Variants in ADAMTS17 observed in about 807,000 individuals in gnomAD.
The protein encoded by ADAMTS17 is A disintegrin and metalloproteinase with thrombospondin motifs 17.
ADAMTS17 carries 113 observed loss-of-function variants against 141.5 expected under a neutral mutation model. That is an observed-to-expected ratio of 0.80 (90% CI 0.69 to 0.93). The LOEUF (loss-of-function observed/expected upper bound fraction) is 0.93. ADAMTS17 is among the 40% of genes least tolerant of loss of function. The probability of loss-of-function intolerance (pLI) is 0.00; values close to 1 mark genes in which losing one functional copy is unlikely to be tolerated. For missense variants in ADAMTS17, 1,659 were observed against 1,517.9 expected (o/e 1.09, Z -1.54); for synonymous variants, 768 against 630.6 (o/e 1.22, Z -3.27).
intron 13 of ADAMTS17, among the ~76,000 whole-genome samples, chr15:100,115,473 C>T (rs1463921893): frequency 6.6e-6 from 1 of 152,188 alleles, no homozygotes; most frequent in Non-Finnish European, 1.5e-5. Flanking sequence ...TGATGGGGCT[C>T]CCCAATACTT....
intron 8 of ADAMTS17, among the ~76,000 whole-genome samples, chr15:100,181,668 G>A (rs1023387335): frequency 2.0e-5 from 3 of 152,218 alleles, no homozygotes; most frequent in Admixed American, 6.5e-5. Context: ...CTATCTTCCT[G>A]TGGCTGAGCT....
chr15:100,191,325 G>A (rs761745231), intron 8 of ADAMTS17, among the ~76,000 whole-genome samples: 1 of 152,222 alleles, frequency 6.6e-6, no homozygotes, highest in South Asian at 2.1e-4. Flanking sequence ...ACTTCCTACC[G>A]TGACGCTGAG....
At chr15:100,093,612 C>A (rs143338514) in intron 15 of ADAMTS17, among the ~76,000 whole-genome samples, 1 of 152,150 alleles carries the variant, frequency 6.6e-6, no homozygotes, top group Non-Finnish European at 1.5e-5. Context: ...GAAGTGTCCT[C>A]CCCCTACCCC....
At chr15:99,974,692 C>CTGAT (rs1567627041) in intron 21 of ADAMTS17, 130 bp from the exon 22 acceptor site, 2 of 1,221,348 alleles carry the variant, frequency 1.6e-6, no homozygotes, top group African/African-American at 3.0e-5. Context: ...ACCCTTTGCA[C>CTGAT]TGATTAGGCC....
chr15:100,272,913 A>G (rs550131074), intron 4 of ADAMTS17, among the ~76,000 whole-genome samples: 88 of 152,168 alleles, frequency 5.8e-4, no homozygotes, highest in African/African-American at 2.0e-3. Flanking sequence ...AAGGCTGCTC[A>G]ATTTTATCAA....
chr15:100,021,553 C>T lies in ADAMTS17; in HGVS notation c.2592-23964G>A, dbSNP rs143325970. Among the ~76,000 whole-genome samples the T allele has an allele frequency of 1.7e-3, 253 of 152,310 alleles. 2 individuals are homozygous for T. The highest frequency in any genetic ancestry group is 5.8e-3 in the African/African-American group (240 of 41,558). On this transcript the variant is annotated intron_variant, in intron 18 of 21. Coordinates refer to ENST00000268070, the MANE Select transcript of ADAMTS17 (RefSeq NM_139057.4). The stretch of plus-strand genomic sequence containing the variant: ...TGCCACAGCTCCAGTCTGAAACTTT[C>T]GACGGCTCCCTAGTACCTAATGCCT...
chr15:100,265,805 G>A (rs181041641), intron 4 of ADAMTS17, among the ~76,000 whole-genome samples: 1 of 152,326 alleles, frequency 6.6e-6, no homozygotes, highest in Admixed American at 6.5e-5. Flanking sequence ...GTGTCTGAGT[G>A]GGGTCCCCAA....
At chr15:99,983,624 C>T (rs1034920390) in intron 20 of ADAMTS17, among the ~76,000 whole-genome samples, 9 of 152,250 alleles carry the variant, frequency 5.9e-5, no homozygotes, top group East Asian at 5.8e-4. Context: ...CAACTATACA[C>T]GCCTGGGCTC....
At chr15:100,153,918 C>T (rs902911543) in intron 9 of ADAMTS17, among the ~76,000 whole-genome samples, 20 of 152,194 alleles carry the variant, frequency 1.3e-4, no homozygotes, top group Admixed American at 4.6e-4. Flanking sequence ...CGGTAGCTCA[C>T]ACCTGTAATC....
intron 18 of ADAMTS17, among the ~76,000 whole-genome samples, chr15:100,017,563 T>C (rs2061315309): frequency 6.6e-6 from 1 of 152,240 alleles, no homozygotes; most frequent in Admixed American, 6.5e-5. Flanking sequence ...ACTTCTGTAT[T>C]TCACTCGACT....
intron 10 of ADAMTS17, among the ~76,000 whole-genome samples, chr15:100,146,801 G>A (rs1369983534): frequency 2.2e-5 from 1 of 46,316 alleles, no homozygotes; most frequent in African/African-American, 5.0e-5. Context: ...CCCCCTGGGT[G>A]TGGTTGTCTC....
intron 7 of ADAMTS17, among the ~76,000 whole-genome samples, chr15:100,243,354 C>G (rs1301690492): frequency 1.3e-5 from 2 of 152,182 alleles, no homozygotes; most frequent in African/African-American, 4.8e-5. Flanking sequence ...AAGTAGAGTT[C>G]CTGAATCATA....
At chr15:100,331,259 G>A (rs891970175) in intron 2 of ADAMTS17, among the ~76,000 whole-genome samples, 1 of 152,136 alleles carries the variant, frequency 6.6e-6, no homozygotes, top group Admixed American at 6.5e-5. Context: ...AGCTGCGTTG[G>A]GGGTAGGGGT....
At chr15:99,979,317 A>G (rs370120665) in intron 20 of ADAMTS17, 1 of 151,370 alleles carries the variant, frequency 6.6e-6, no homozygotes, top group African/African-American at 2.4e-5. Flanking sequence ...TGAACCCAGG[A>G]GGTGGAGGTT....
intron 12 of ADAMTS17, among the ~76,000 whole-genome samples, chr15:100,128,035 A>G (rs1174639388): frequency 6.6e-6 from 1 of 152,090 alleles, no homozygotes; most frequent in East Asian, 1.9e-4. Context: ...ATGACCAGAC[A>G]TGGAGGAGGC....
intron 3 of ADAMTS17, among the ~76,000 whole-genome samples, chr15:100,286,253 C>T (rs2044444753): frequency 6.6e-6 from 1 of 152,220 alleles, no homozygotes; most frequent in Admixed American, 6.5e-5. Context: ...CACCCTGCTG[C>T]CCTACCACTG....
rs2044278154 is a variant in ADAMTS17, at chr15:100,281,401, T to C, written c.617A>G (p.Glu206Gly). ...CCTGCCCCACGTCGGCTTCTTCTTT[T>C]CTAGAAAATGATGGAAACATTTGTG... ...RPEQLCKVLT[E>G]KKKPTWGRPS... Residue 206 changes from glutamate to glycine, a missense_variant and splice_region_variant, in exon 4 of 22, where the codon GAA (glutamate) becomes GGA (glycine). Transcript: ENST00000268070. 1 of 1,612,196 alleles carries C rather than the reference T, an allele frequency of 6.2e-7. No homozygotes were observed. The highest frequency in any genetic ancestry group is 2.2e-5 in the East Asian group (1 of 44,864).
chr15:100,196,607 G>A (rs372255927), intron 8 of ADAMTS17, among the ~76,000 whole-genome samples: 8 of 152,380 alleles, frequency 5.3e-5, no homozygotes, highest in East Asian at 1.9e-4. Flanking sequence ...GTAAGGGACC[G>A]GTGGGTGAGC....
intron 7 of ADAMTS17, among the ~76,000 whole-genome samples, chr15:100,246,264 G>A (rs1596353247): frequency 6.6e-6 from 1 of 152,042 alleles, no homozygotes; most frequent in Non-Finnish European, 1.5e-5. Context: ...TGTGGGATAC[G>A]AAGCCCTAAA....
Sources: gnomAD v4.1 joint callset for allele counts (sites outside exome capture counted in the v4.1 genomes callset) on GRCh38, gnomAD v4.1.1 for gene constraint, MANE v1.5 for transcripts, NCBI Gene and HGNC (gene_info 2026-07-23, HGNC 2026-07-21) for gene names.